GUCY2F: variants seen among roughly 807,000 people sequenced by gnomAD.
GUCY2F encodes the protein guanylate cyclase 2F, retinal.
A neutral mutation model predicts 73.1 loss-of-function variants in GUCY2F; 61 were observed. The ratio of observed to expected loss-of-function variants is 0.83; its 90% CI spans 0.68 to 1.03. The LOEUF (loss-of-function observed/expected upper bound fraction) is 1.03. Ranked by LOEUF, GUCY2F falls within the 50% of genes least tolerant of loss-of-function variation. The pLI is 0.00. For synonymous variants in GUCY2F, 331 were observed against 307.8 expected, an observed-to-expected ratio of 1.08 and a Z score of -0.79; for missense variants, 912 against 854.3, an observed-to-expected ratio of 1.07 and a Z score of -0.84.
chrX:109,451,261 T>C (rs1932128702), intron 5 of GUCY2F, among the ~76,000 whole-genome samples: 1 of 112,339 alleles, frequency 8.9e-6, no homozygotes, highest in African/African-American at 3.2e-5. Flanking sequence ...AAGTAGCTCA[T>C]TAGATTATTT....
chrX:109,473,291 T>C (rs918353483), intron 2 of GUCY2F, among the ~76,000 whole-genome samples: 2 of 111,826 alleles, frequency 1.8e-5, no homozygotes, highest in African/African-American at 6.5e-5. Context: ...ATCCTCAAAA[T>C]TTCCATTCCC....
intron 6 of GUCY2F, among the ~76,000 whole-genome samples, chrX:109,444,659 C>T (rs1569369657): frequency 9.0e-6 from 1 of 111,256 alleles, no homozygotes; most frequent in Middle Eastern, 4.7e-3. Flanking sequence ...GCCTATGGGG[C>T]CAGACAGGTA....
intron 8 of GUCY2F, among the ~76,000 whole-genome samples, chrX:109,412,947 A>G (rs900554851): frequency 2.7e-5 from 3 of 112,386 alleles, no homozygotes; most frequent in Non-Finnish European, 3.8e-5. Flanking sequence ...TCCCTGAGTC[A>G]TGATATTGGA....
At chrX:109,434,454 A>ATGGCATGTCCTAAACCTGTCTT in intron 7 of GUCY2F, among the ~76,000 whole-genome samples, 2 of 109,255 alleles carry the variant, frequency 1.8e-5, no homozygotes, top group Non-Finnish European at 3.8e-5. Flanking sequence ...GTACAACGTG[A>ATGGCATGTCCTAAACCTGTCTT]TGGCATGTCC....
intron 8 of GUCY2F, among the ~76,000 whole-genome samples, chrX:109,412,492 G>GT (rs1429621977): frequency 8.9e-6 from 1 of 112,112 alleles, no homozygotes; most frequent in Non-Finnish European, 1.9e-5. Flanking sequence ...ACCTAAACCA[G>GT]TTAAGGTGGA....
chrX:109,468,196 T>C (rs974736468), intron 2 of GUCY2F, among the ~76,000 whole-genome samples: 4 of 112,265 alleles, frequency 3.6e-5, no homozygotes, highest in Non-Finnish European at 5.6e-5. Flanking sequence ...AACTGACTTG[T>C]GACACTGGAT....
At chrX:109,419,835 T>C (rs1359045058) in intron 8 of GUCY2F, among the ~76,000 whole-genome samples, 2 of 109,791 alleles carry the variant, frequency 1.8e-5, no homozygotes, top group African/African-American at 6.6e-5. Flanking sequence ...TCAAAATTTA[T>C]TTTAAATTTA....
chrX:109,448,593 C>T (rs1192353144), intron 5 of GUCY2F, among the ~76,000 whole-genome samples: 2 of 112,057 alleles, frequency 1.8e-5, no homozygotes, highest in Non-Finnish European at 3.8e-5. Flanking sequence ...ATTTTATAGA[C>T]AAAAACACAT....
At chrX:109,375,142 C>A (rs1930146157) in intron 19 of GUCY2F, among the ~76,000 whole-genome samples, 1 of 104,057 alleles carries the variant, frequency 9.6e-6, no homozygotes, top group African/African-American at 3.5e-5. Flanking sequence ...CCAAAGTTTC[C>A]ATGGAAGAGA....
intron 12 of GUCY2F, among the ~76,000 whole-genome samples, chrX:109,393,746 G>A (rs898635198): frequency 8.9e-6 from 1 of 112,014 alleles, no homozygotes; most frequent in Non-Finnish European, 1.9e-5. Context: ...TTGGGACCTT[G>A]TCTATCTACA....
At chrX:109,463,772 G>C (rs999304149) in intron 3 of GUCY2F, among the ~76,000 whole-genome samples, 1 of 111,628 alleles carries the variant, frequency 9.0e-6, no homozygotes, top group Non-Finnish European at 1.9e-5. Context: ...ACAAGGGAAA[G>C]ACAGTCTCTA....
rs139884983 is a variant in GUCY2F, at chrX:109,461,917, C to G, written c.1032+3225G>C. ...TGTTGACCAAATAGGGAACAAACAA[C>G]AGAAGCCCAGGGATAGGCAAATATC... On this transcript the variant is annotated intron_variant, in intron 3 of 19. Coordinates refer to ENST00000218006, the MANE Select transcript of GUCY2F (RefSeq NM_001522.3). Among the ~76,000 whole-genome samples the G allele has an allele frequency of 2.4e-3, 270 of 112,631 alleles. 1 individual carries two copies. Among genetic ancestry groups the G allele is most frequent in the Non-Finnish European group, 4.4e-3 (233 of 53,257 alleles).
chrX:109,387,332 G>A (rs1302839545), intron 15 of GUCY2F, among the ~76,000 whole-genome samples: 1 of 112,474 alleles, frequency 8.9e-6, no homozygotes, highest in Non-Finnish European at 1.9e-5. Context: ...GTCAATGGTG[G>A]TACCACCAAC....
chrX:109,383,648 G>T (rs754215761), intron 16 of GUCY2F, among the ~76,000 whole-genome samples: 6 of 111,745 alleles, frequency 5.4e-5, no homozygotes, highest in Non-Finnish European at 9.4e-5. Flanking sequence ...GAGCACACGC[G>T]TATACTTCTT....
At chrX:109,395,177 C>T (rs920674945) in intron 12 of GUCY2F, among the ~76,000 whole-genome samples, 164 bp downstream of exon 12, 1 of 111,625 alleles carries the variant, frequency 9.0e-6, no homozygotes, top group Non-Finnish European at 1.9e-5. Context: ...CACTCCAGCA[C>T]CAAGAGCCTC....
chrX:109,395,260 T>C (rs1373068811), intron 12 of GUCY2F, 81 bp downstream of exon 12: 49 of 855,656 alleles, frequency 5.7e-5, no homozygotes, highest in Non-Finnish European at 7.3e-5. Context: ...TTCCACAATA[T>C]GACAAGGACC....
intron 16 of GUCY2F, among the ~76,000 whole-genome samples, chrX:109,382,476 T>C (rs1278273332): frequency 8.9e-6 from 1 of 111,892 alleles, no homozygotes; most frequent in Non-Finnish European, 1.9e-5. Flanking sequence ...AGGTGTTAAT[T>C]TAACTCAAAG....
chrX:109,387,222 G>A (rs771454454), intron 15 of GUCY2F, among the ~76,000 whole-genome samples: 1 of 111,841 alleles, frequency 8.9e-6, no homozygotes, highest in South Asian at 3.8e-4. Context: ...ATATTTAAAA[G>A]GTAAAGAGTG....
chrX:109,386,013 G>A (rs758063113), intron 15 of GUCY2F, among the ~76,000 whole-genome samples: 11 of 110,799 alleles, frequency 9.9e-5, no homozygotes, highest in African/African-American at 1.3e-4. Context: ...TATTTCCCAC[G>A]CTGGTATCGA....
Sources: gnomAD v4.1 joint callset for allele counts (sites outside exome capture counted in the v4.1 genomes callset) on GRCh38, gnomAD v4.1.1 for gene constraint, MANE v1.5 for transcripts, NCBI Gene and HGNC (gene_info 2026-07-23, HGNC 2026-07-21) for gene names.